Variants in FAM186A observed in about 807,000 individuals in gnomAD.
FAM186A encodes the protein protein FAM186A.
In FAM186A, 163 loss-of-function variants were observed where a neutral mutation model predicts 216.8. The observed-to-expected ratio is 0.75, with a 90% CI of 0.66 to 0.86. The LOEUF (loss-of-function observed/expected upper bound fraction) is 0.86. Ranked by LOEUF, FAM186A falls within the 40% of genes least tolerant of loss-of-function variation. The pLI, the probability that FAM186A is intolerant of heterozygous loss-of-function variation, is 0.00. For missense variants in FAM186A, 2,184 were observed against 2,746.2 expected, an observed-to-expected ratio of 0.80 and a Z score of 4.58; for synonymous variants, 805 against 1,025.3, an observed-to-expected ratio of 0.79 and a Z score of 4.10.
rs1319518649 is a variant in FAM186A, at chr12:50,396,434, T to C, written c.51A>G (p.Lys17=). The change falls in exon 1 of 8, where the codon AAA becomes AAG. Residue 17 remains lysine, a synonymous_variant. Transcript: ENST00000327337. ...TCATGATGGTGGAATCCTTGATGCA[T>C]TTTTCTGATTCAGGGTCATTGTCTA... The part of the protein sequence containing the change: ...NEIDNDPESE[K]CIKDSTIMRR... The C allele has an allele frequency of 7.1e-6, 11 of 1,551,136 alleles. No homozygotes were observed. The highest frequency in any genetic ancestry group is 8.7e-6 in the Non-Finnish European group (10 of 1,146,886).
intron 7 of FAM186A, among the ~76,000 whole-genome samples, chr12:50,328,617 C>T (rs1162845030): frequency 1.3e-5 from 2 of 152,112 alleles, no homozygotes; most frequent in East Asian, 1.9e-4. Context: ...AAGCCATTCT[C>T]ATGCCTCAGC....
intron 4 of FAM186A, among the ~76,000 whole-genome samples, chr12:50,342,444 TTTTA>T (rs1157651462): frequency 3.3e-5 from 5 of 151,290 alleles, no homozygotes; most frequent in African/African-American, 9.7e-5. Context: ...AAATCTCCTT[TTTTA>T]TTTTTTATTT....
intron 1 of FAM186A, among the ~76,000 whole-genome samples, chr12:50,392,786 T>C (rs1295947785): frequency 2.0e-5 from 2 of 102,364 alleles, no homozygotes; most frequent in Non-Finnish European, 4.5e-5. Flanking sequence ...TTTTTTTTGG[T>C]ATTTTTAGTA....
chr12:50,351,052 G>A lies in FAM186A; in HGVS notation c.5780C>T (p.Thr1927Ile), dbSNP rs2136090558. 6.4e-7 allele frequency: 1 copy of A among 1,551,522 alleles called. No individual in the cohort carries two copies. Among genetic ancestry groups the A allele is most frequent in the African/African-American group, 1.4e-5 (1 of 73,148 alleles). ...GRASSLWIPP[T>I]SRHPPTLWPS... Reference sequence around the variant, plus strand: ...CCATAGTGTGGGAGGATGTCTAGAGGTGGGAGGGATCCATAATGAAGAAGC... The same window carrying A: ...CCATAGTGTGGGAGGATGTCTAGAGATGGGAGGGATCCATAATGAAGAAGC... Residue 1927 changes from threonine (T) to isoleucine (I), a missense_variant, in exon 4 of 8, where the codon ACC becomes ATC. Around this residue, in one of 7 missense-constraint regions of FAM186A, gnomAD observed 721 missense variants for 816.4 expected, o/e 0.88. Coordinates refer to ENST00000327337, the MANE Select transcript of FAM186A (RefSeq NM_001145475.3).
At chr12:50,349,137 A>AT (rs1467890567) in intron 4 of FAM186A, among the ~76,000 whole-genome samples, 1 of 151,382 alleles carries the variant, frequency 6.6e-6, no homozygotes, top group Non-Finnish European at 1.5e-5. Flanking sequence ...CATTCTTTCT[A>AT]TTTTTTTGTA....
At chr12:50,369,354 G>T (rs898592421) in intron 1 of FAM186A, among the ~76,000 whole-genome samples, 6 of 151,916 alleles carry the variant, frequency 3.9e-5, no homozygotes, top group Admixed American at 3.9e-4. Flanking sequence ...AGCCAGGCAT[G>T]GTGGTGGGCG....
At position 50,356,051 on chromosome 12, in the gene FAM186A, T is replaced by C; in HGVS notation, c.781A>G (p.Ile261Val). 1 of 1,551,614 alleles carries C rather than the reference T, an allele frequency of 6.4e-7. No individual in the cohort carries two copies. The highest frequency in any genetic ancestry group is 8.7e-7 in the Non-Finnish European group (1 of 1,146,936). Residue 261 changes from isoleucine to valine, a missense_variant, in exon 4 of 8, where the codon ATA (isoleucine) becomes GTA (valine). Ile to Val is a conservative substitution (Grantham distance 29, BLOSUM62 3). This residue lies in a region of FAM186A where 1,132 missense variants were observed against 1,263.4 expected (regional missense o/e 0.90). Coordinates refer to ENST00000327337, the MANE Select transcript of FAM186A (RefSeq NM_001145475.3). Reference sequence around the variant, plus strand: ...GAAAGGTTTACTATTGTTGATGATATATATTTAATAGCATTGTTTTCCAAT... The same window carrying C: ...GAAAGGTTTACTATTGTTGATGATACATATTTAATAGCATTGTTTTCCAAT... The part of the protein sequence containing the change: ...STLENNAIKY[I>V]SSTIVNLSTA...
chr12:50,343,918 CT>C (rs71083535), intron 4 of FAM186A, among the ~76,000 whole-genome samples: 11,546 of 136,714 alleles, frequency 0.084, 811 homozygotes, highest in East Asian at 0.32. Flanking sequence ...CACACCCAGC[CT>C]TTTTTTTTTT....
In FAM186A at chr12:50,334,040, G is replaced by A. The variant is rs959968822; in HGVS notation, c.6567C>T (p.Asn2189=). ...CAAGTCTGCTCAGCATCATGTGGAGGTTCCTGGCCTCATAGCCTTTCCCAG... is the reference window on the plus strand; with the variant it reads ...CAAGTCTGCTCAGCATCATGTGGAGATTCCTGGCCTCATAGCCTTTCCCAG... ...QNTGKGYEAR[N]LHMMLSRLDD... is the part of the protein sequence containing the mutation. The change falls in exon 5 of 8, where the codon AAC becomes AAT. Residue 2189 remains asparagine (N), a synonymous_variant. Transcript: ENST00000327337. 5 of 1,551,560 alleles carry A rather than the reference G, an allele frequency of 3.2e-6. No homozygotes were observed. The highest frequency in any genetic ancestry group is 4.4e-6 in the Non-Finnish European group (5 of 1,146,958).
chr12:50,358,345 C>T (rs1942998278), intron 3 of FAM186A, among the ~76,000 whole-genome samples: 1 of 152,102 alleles, frequency 6.6e-6, no homozygotes, highest in African/African-American at 2.4e-5. Flanking sequence ...CTTTGGGAGG[C>T]TGAGGCAGGA....
intron 5 of FAM186A, among the ~76,000 whole-genome samples, chr12:50,332,994 C>T (rs955539163): frequency 5.3e-5 from 8 of 151,950 alleles, no homozygotes; most frequent in Admixed American, 4.6e-4. Flanking sequence ...CGCCACTGCA[C>T]TCCAGCCTGG....
chr12:50,365,968 T>A, intron 1 of FAM186A: 1 of 767,222 alleles, frequency 1.3e-6, no homozygotes. Flanking sequence ...AAGGTGGGTA[T>A]CACTAGGCTA....
In FAM186A at chr12:50,378,189, A is replaced by G. The variant is rs1592629560; in HGVS notation, c.193-14825T>C. ...CAGTGAGCCGAGATTGCGACATTAC[A>G]CTCCAGCCTCGACAACAAGAGCGAA... On this transcript the variant is annotated intron_variant, in intron 1 of 7. Coordinates refer to ENST00000327337, the MANE Select transcript of FAM186A (RefSeq NM_001145475.3). Among the ~76,000 whole-genome samples, 7 of 149,170 alleles carry G rather than the reference A, an allele frequency of 4.7e-5. No individual in the cohort carries two copies. The South Asian group carries it at 1.5e-3, about 32-fold the overall frequency.
chr12:50,359,416 A>G (rs930426230), intron 3 of FAM186A, among the ~76,000 whole-genome samples: 5 of 152,200 alleles, frequency 3.3e-5, no homozygotes, highest in Non-Finnish European at 7.4e-5. Context: ...AAGACAGACA[A>G]TAACAAGTGT....
intron 1 of FAM186A, among the ~76,000 whole-genome samples, chr12:50,385,338 A>G (rs1943292115): frequency 6.7e-6 from 1 of 150,040 alleles, no homozygotes; most frequent in Non-Finnish European, 1.5e-5. Flanking sequence ...GAATTGCTTG[A>G]ACCTGGGAGG....
intron 7 of FAM186A, among the ~76,000 whole-genome samples, chr12:50,328,536 G>A (rs1243099110): frequency 7.5e-6 from 1 of 133,618 alleles, no homozygotes; most frequent in Non-Finnish European, 1.7e-5. Context: ...TATTTTGAGA[G>A]AGTCTTTGTT....
At chr12:50,327,916 A>C (rs1286786975) in intron 7 of FAM186A, among the ~76,000 whole-genome samples, 1 of 152,154 alleles carries the variant, frequency 6.6e-6, no homozygotes, top group East Asian at 1.9e-4. Context: ...GAAGAAAAGG[A>C]CTTGGCAATA....
At chr12:50,330,531 T>C (rs576141736) in intron 7 of FAM186A, 42 bp downstream of exon 7, 10 of 1,532,792 alleles carry the variant, frequency 6.5e-6, no homozygotes, top group Admixed American at 2.2e-5. Flanking sequence ...AGGTATATGA[T>C]CAAAGGCCCA....
In FAM186A at chr12:50,353,537, G is replaced by C; in HGVS notation, c.3295C>G (p.Leu1099Val). ...AGTTCCTGGGCCTGCTGAAGGGTGA[G>C]CGTGATCCCCTGAGCCTGGGCCTGC... ...PQQAQAQGIT[L>V]TLQQAQELGI... The change falls in exon 4 of 8, where the codon CTC (leucine) becomes GTC (valine). Residue 1099 changes from leucine (L) to valine (V), a missense_variant. By Grantham distance (32) the Leu-to-Val change is conservative. Transcript: ENST00000327337. 1 of 1,536,682 alleles carries C rather than the reference G, an allele frequency of 6.5e-7. No homozygotes were observed. The highest frequency in any genetic ancestry group is 8.8e-7 in the Non-Finnish European group (1 of 1,139,774).
Sources: allele counts gnomAD v4.1 joint callset (sites outside exome capture counted in the v4.1 genomes callset), GRCh38; gene constraint gnomAD v4.1.1; regional missense constraint gnomAD v4.1.1; transcripts MANE v1.5; gene names NCBI Gene and HGNC (gene_info 2026-07-23, HGNC 2026-07-21).